Variants in UVSSA observed in about 807,000 individuals in gnomAD.
UVSSA encodes UV stimulated scaffold protein A.
UVSSA carries 72 observed loss-of-function variants against 73.9 expected under a neutral mutation model. The ratio of observed to expected loss-of-function variants is 0.97; its 90% CI spans 0.81 to 1.19. UVSSA has a LOEUF of 1.19. Ranked by LOEUF, UVSSA falls within the 50% of genes most tolerant of loss-of-function variation. UVSSA has a pLI of 0.00. For missense variants in UVSSA, 1,150 were observed against 965.0 expected (o/e 1.19, Z -2.54); for synonymous variants, 454 against 391.3 (o/e 1.16, Z -1.89).
Position 1,387,892 on chromosome 4 carries a change from C to G in UVSSA, c.*1931C>G, listed in dbSNP as rs529476604. On this transcript the variant is annotated 3_prime_UTR_variant, in exon 14 of 14. Transcript: ENST00000389851. ...CTGCTTCAAGGCTGTTTTGACTCTT[C>G]TGCATCTCTTGCATTTCCAAATGAA... 6.6e-6 allele frequency: 1 copy of G among 151,208 alleles called. No individual in the cohort carries two copies. Among genetic ancestry groups the G allele is most frequent in the South Asian group, 2.1e-4 (1 of 4,812 alleles). The allele number at this position is 151,208 out of a possible 1,614,324, so 9.4% of individuals were successfully genotyped here. A position where few individuals can be genotyped will look rare whatever the true frequency, so the allele number is the denominator to read the frequency against.
At chr4:1,378,999 AG>A (rs1719108047) in intron 10 of UVSSA, among the ~76,000 whole-genome samples, 1 of 151,486 alleles carries the variant, frequency 6.6e-6, no homozygotes, top group Non-Finnish European at 1.5e-5. Flanking sequence ...GCCCCAGGGC[AG>A]GGCCTACTGC....
At chr4:1,359,407 TC>T (rs1488741141) in intron 7 of UVSSA, 1 of 152,214 alleles carries the variant, frequency 6.6e-6, no homozygotes, top group Non-Finnish European at 1.5e-5. Context: ...CTGATAAAAA[TC>T]CTCTGGAAAC....
At chr4:1,394,186 G>A in exon 14 of UVSSA, 1 of 481,348 alleles carries the variant, frequency 2.1e-6, no homozygotes, top group Non-Finnish European at 3.7e-6. Flanking sequence ...CTGTGCCTGT[G>A]TGGGCACAGC....
At chr4:1,347,812 G>C (rs1713943286) in intron 1 of UVSSA, 52 bp downstream of exon 1, 1 of 375,374 alleles carries the variant, frequency 2.7e-6, no homozygotes, top group African/African-American at 2.1e-5. Flanking sequence ...GATTCGGACA[G>C]CGCCACTGGT....
chr4:1,355,814 T>A (rs3796618), intron 7 of UVSSA, among the ~76,000 whole-genome samples: 92,597 of 151,846 alleles, frequency 0.61, 28,740 homozygotes, highest in African/African-American at 0.71. Context: ...GGAGGGAGGT[T>A]TGGGGTGCCT....
At chr4:1,369,833 A>G (rs901107486) in intron 8 of UVSSA, among the ~76,000 whole-genome samples, 3 of 152,250 alleles carry the variant, frequency 2.0e-5, no homozygotes, top group African/African-American at 4.8e-5. Context: ...TTCTTTCTCA[A>G]AACAACTGTG....
intron 7 of UVSSA, among the ~76,000 whole-genome samples, chr4:1,362,075 G>A (rs185765896): frequency 6.0e-4 from 91 of 152,188 alleles, no homozygotes; most frequent in Non-Finnish European, 4.0e-4. Context: ...TAGTAACCTC[G>A]CCACCCTACT....
rs752650116 is a variant in UVSSA, at chr4:1,349,558, C to G, written c.133C>G (p.Leu45Val). Residue 45 changes from leucine to valine, a missense_variant, in exon 3 of 14, where the codon CTG becomes GTG. Leu to Val is a conservative substitution (Grantham distance 32, BLOSUM62 1). Transcript: ENST00000389851. ...GGAGCAGCTGAGCCGCGCCTACCGCCTGCTGATAGCACAGCTGACCCAGGA... is the reference window on the plus strand; with the variant it reads ...GGAGCAGCTGAGCCGCGCCTACCGCGTGCTGATAGCACAGCTGACCCAGGA... ...SEEQLSRAYR[L>V]LIAQLTQEHA... 6.2e-7 allele frequency: 1 copy of G among 1,613,918 alleles called. No homozygotes were observed. Among genetic ancestry groups the G allele is most frequent in the Non-Finnish European group, 8.5e-7 (1 of 1,179,994 alleles).
chr4:1,355,397 G>C lies in UVSSA; in HGVS notation c.1176+152G>C, dbSNP rs6810729. Reference sequence around the variant, plus strand: ...CCTCAGCAGGACCTGCCTCCCCAGCGAGGGCTTCCTGTGAGCCCAGGGTCA... The same window carrying C: ...CCTCAGCAGGACCTGCCTCCCCAGCCAGGGCTTCCTGTGAGCCCAGGGTCA... On this transcript the variant is annotated intron_variant, in intron 7 of 13. Transcript: ENST00000389851. 4.0e-6 allele frequency: 3 copies of C among 752,262 alleles called. No homozygotes were observed. In the African/African-American group the frequency reaches 5.3e-5, roughly 13 times the overall value. The allele number at this position is 752,262 out of a possible 1,614,324, so 46.6% of individuals were successfully genotyped here. A position where few individuals can be genotyped will look rare whatever the true frequency, so the allele number is the denominator to read the frequency against.
chr4:1,394,482 A>C (rs780570103), exon 14 of UVSSA: 5 of 1,610,810 alleles, frequency 3.1e-6, no homozygotes, highest in South Asian at 2.2e-5. Context: ...TTAAATTTCA[A>C]ATAGCTGTCC....
chr4:1,383,701 G>T, intron 12 of UVSSA, 65 bp from the exon 13 acceptor site: 1 of 1,596,348 alleles, frequency 6.3e-7, no homozygotes, highest in Non-Finnish European at 8.5e-7. Context: ...CCCTCCTGGG[G>T]GCCTCGGGTA....
chr4:1,361,405 T>C (rs1216325569), intron 7 of UVSSA, among the ~76,000 whole-genome samples: 2 of 152,160 alleles, frequency 1.3e-5, no homozygotes, highest in Admixed American at 1.3e-4. Flanking sequence ...TGTTGATGAG[T>C]GTAGATTTTA....
chr4:1,361,446 C>T (rs756916994), intron 7 of UVSSA, among the ~76,000 whole-genome samples: 7 of 152,262 alleles, frequency 4.6e-5, no homozygotes, highest in Non-Finnish European at 8.8e-5. Context: ...TAGAAAGCAA[C>T]GACTTGCTTC....
At chr4:1,377,461 G>A (rs2109278121) in intron 10 of UVSSA, among the ~76,000 whole-genome samples, 1 of 152,264 alleles carries the variant, frequency 6.6e-6, no homozygotes, top group African/African-American at 2.4e-5. Flanking sequence ...GGAGGGGCTG[G>A]GCAGGCTGCT....
intron 8 of UVSSA, among the ~76,000 whole-genome samples, chr4:1,370,339 G>T (rs1246225892): frequency 6.6e-6 from 1 of 152,224 alleles, no homozygotes; most frequent in South Asian, 2.1e-4. Flanking sequence ...GGGGCACTTG[G>T]CAGGTTTGTG....
intron 10 of UVSSA, among the ~76,000 whole-genome samples, chr4:1,378,817 C>T (rs1020529042): frequency 1.3e-5 from 2 of 152,232 alleles, no homozygotes; most frequent in African/African-American, 4.8e-5. Context: ...TCCTTGACTG[C>T]GGGGCACATG....
chr4:1,373,725 G>C (rs1259459859), intron 8 of UVSSA, among the ~76,000 whole-genome samples: 1 of 152,156 alleles, frequency 6.6e-6, no homozygotes, highest in South Asian at 2.1e-4. Context: ...TTTTAGAAGA[G>C]ACGAGGATGC....
intron 3 of UVSSA, among the ~76,000 whole-genome samples, chr4:1,350,766 T>TAAAA (rs34918099): frequency 1.4e-5 from 2 of 139,456 alleles, no homozygotes; most frequent in South Asian, 5.0e-4. Flanking sequence ...CGTTGTCTCT[T>TAAAA]AAAAAAAAAA....
rs1396254186 is a variant in UVSSA, at chr4:1,353,301, G to T, written c.822G>T (p.Gln274His). ...PRAGGGAQPS[Q>H]TATGDPSDED... is the part of the protein sequence containing the mutation. Reference sequence around the variant, plus strand: ...CGGGCGGCGGGGCACAGCCATCCCAGACAGCCACAGGTGACCCCTCAGATG... The same window carrying T: ...CGGGCGGCGGGGCACAGCCATCCCATACAGCCACAGGTGACCCCTCAGATG... The change falls in exon 5 of 14, where the codon CAG (glutamine) becomes CAT (histidine). Residue 274 changes from glutamine to histidine, a missense_variant. By Grantham distance (24) the Gln-to-His change is conservative. Coordinates refer to ENST00000389851, the MANE Select transcript of UVSSA (RefSeq NM_020894.4). 5.0e-6 allele frequency: 8 copies of T among 1,611,336 alleles called. No individual in the cohort carries two copies. Among genetic ancestry groups the T allele is most frequent in the African/African-American group, 2.7e-5 (2 of 74,944 alleles).
Sources: allele counts gnomAD v4.1 joint callset (sites outside exome capture counted in the v4.1 genomes callset), GRCh38; gene constraint gnomAD v4.1.1; transcripts MANE v1.5; gene names NCBI Gene and HGNC (gene_info 2026-07-23, HGNC 2026-07-21).